Variants in TNFSF15 observed in about 807,000 individuals in gnomAD.
TNFSF15 encodes the protein tumor necrosis factor ligand superfamily member 15.
Under a neutral mutation model 26.4 loss-of-function variants are expected in TNFSF15, and 15 were observed. The ratio of observed to expected loss-of-function variants is 0.57; its 90% CI spans 0.38 to 0.87. The LOEUF (loss-of-function observed/expected upper bound fraction) is 0.87, where lower values mean the gene tolerates loss of function less well. TNFSF15 is among the 40% of genes least tolerant of loss of function. The pLI, the probability that TNFSF15 is intolerant of heterozygous loss-of-function variation, is 0.00. For synonymous variants in TNFSF15, 116 were observed against 115.0 expected (o/e 1.01, Z -0.06); for missense variants, 290 against 306.1 (o/e 0.95, Z 0.39).
chr9:114,805,623 A>G (rs547246613), intron 1 of TNFSF15, among the ~76,000 whole-genome samples, 180 bp downstream of exon 1: 2 of 152,344 alleles, frequency 1.3e-5, no homozygotes, highest in South Asian at 4.1e-4. Context: ...CCCTAGAAAT[A>G]TTGAGAATAA....
intron 1 of TNFSF15, among the ~76,000 whole-genome samples, chr9:114,803,792 C>T (rs1449327035): frequency 6.6e-6 from 1 of 152,242 alleles, no homozygotes; most frequent in Non-Finnish European, 1.5e-5. Flanking sequence ...GGCAGGCCCT[C>T]TCCTAGGCTT....
At chr9:114,805,389 C>G (rs958308198) in intron 1 of TNFSF15, among the ~76,000 whole-genome samples, 2 of 152,172 alleles carry the variant, frequency 1.3e-5, no homozygotes, top group African/African-American at 4.8e-5. Context: ...ATATCCCAAA[C>G]TGTTAACAGT....
chr9:114,798,682 C>T (rs1829703267), intron 1 of TNFSF15, among the ~76,000 whole-genome samples: 1 of 152,110 alleles, frequency 6.6e-6, no homozygotes, highest in South Asian at 2.1e-4. Context: ...GGGATCTGAA[C>T]CTTTAGACCA....
chr9:114,796,575 G>A (rs184732919), intron 1 of TNFSF15, among the ~76,000 whole-genome samples: 5 of 152,290 alleles, frequency 3.3e-5, no homozygotes, highest in Admixed American at 2.6e-4. Flanking sequence ...CCAGAAATGG[G>A]AGAATCAGAA....
chr9:114,805,367 G>A (rs538265903), intron 1 of TNFSF15, among the ~76,000 whole-genome samples: 69 of 152,210 alleles, frequency 4.5e-4, no homozygotes, highest in African/African-American at 1.4e-3. Context: ...ATATAATTCT[G>A]TACAGAATTA....
chr9:114,797,833 AT>A (rs1430605465), intron 1 of TNFSF15, among the ~76,000 whole-genome samples: 5 of 152,162 alleles, frequency 3.3e-5, no homozygotes, highest in Non-Finnish European at 7.4e-5. Context: ...ATCGAATTTT[AT>A]TATTTATTTG....
chr9:114,803,924 C>T (rs975447050), intron 1 of TNFSF15, among the ~76,000 whole-genome samples: 17 of 152,288 alleles, frequency 1.1e-4, no homozygotes, highest in African/African-American at 3.6e-4. Flanking sequence ...CCCTTCAATC[C>T]GTCTGCATCT....
intron 1 of TNFSF15, 50 bp from the exon 2 acceptor site, chr9:114,793,618 C>A: frequency 6.4e-7 from 1 of 1,559,142 alleles, no homozygotes; most frequent in Non-Finnish European, 8.8e-7. Context: ...CTTTTGATCC[C>A]AACACTTACA....
intron 1 of TNFSF15, among the ~76,000 whole-genome samples, chr9:114,796,562 G>C (rs1259965309): frequency 6.6e-6 from 1 of 152,240 alleles, no homozygotes; most frequent in Admixed American, 6.5e-5. Flanking sequence ...ACAGAGACCT[G>C]GCCCAGAAAT....
chr9:114,793,145 A>G (rs1315113544), intron 2 of TNFSF15, among the ~76,000 whole-genome samples: 15 of 152,240 alleles, frequency 9.9e-5, no homozygotes, highest in Admixed American at 9.8e-4. Context: ...TTGATGTGCT[A>G]GACATTGTTC....
chr9:114,797,181 C>A (rs1829682589), intron 1 of TNFSF15, among the ~76,000 whole-genome samples: 1 of 152,204 alleles, frequency 6.6e-6, no homozygotes, highest in Non-Finnish European at 1.5e-5. Context: ...TAAGAGTTTA[C>A]AACATTCCTC....
intron 1 of TNFSF15, among the ~76,000 whole-genome samples, chr9:114,804,378 T>C (rs1018330194): frequency 1.1e-4 from 16 of 152,112 alleles, no homozygotes; most frequent in Non-Finnish European, 1.5e-4. Flanking sequence ...AACATTCTGC[T>C]TGCTGGTCTT....
chr9:114,799,993 C>G (rs2131306446), intron 1 of TNFSF15, among the ~76,000 whole-genome samples: 1 of 152,274 alleles, frequency 6.6e-6, no homozygotes, highest in African/African-American at 2.4e-5. Context: ...GATAAGGGGT[C>G]TGCAATTTAC....
At chr9:114,797,818 C>G (rs1195082485) in intron 1 of TNFSF15, among the ~76,000 whole-genome samples, 7 of 152,174 alleles carry the variant, frequency 4.6e-5, no homozygotes, top group Admixed American at 3.9e-4. Flanking sequence ...TGGCTGAAAT[C>G]CAGGATCGAA....
At chr9:114,796,825 GCA>G (rs1352633199) in intron 1 of TNFSF15, among the ~76,000 whole-genome samples, 1 of 152,186 alleles carries the variant, frequency 6.6e-6, no homozygotes, top group East Asian at 1.9e-4. Context: ...TGTGCATTTG[GCA>G]CAGAGTCATG....
chr9:114,791,043 T>G, intron 3 of TNFSF15, 137 bp from the exon 4 acceptor site: 1 of 766,748 alleles, frequency 1.3e-6, no homozygotes, highest in Non-Finnish European at 2.1e-6. Flanking sequence ...TGGGGAGGAA[T>G]GAATGAAGAA....
chr9:114,803,938 CA>C (rs1318685947), intron 1 of TNFSF15, among the ~76,000 whole-genome samples: 3 of 152,206 alleles, frequency 2.0e-5, no homozygotes, highest in African/African-American at 7.2e-5. Context: ...TGCATCTCAG[CA>C]AAGAGGCCCT....
chr9:114,804,581 G>T (rs1259995931), intron 1 of TNFSF15, among the ~76,000 whole-genome samples: 2 of 152,188 alleles, frequency 1.3e-5, no homozygotes, highest in Non-Finnish European at 2.9e-5. Context: ...AGCACCAACT[G>T]GGCGCTGCAG....
chr9:114,804,757 A>G (rs571534125), intron 1 of TNFSF15, among the ~76,000 whole-genome samples: 1 of 152,328 alleles, frequency 6.6e-6, no homozygotes, highest in Admixed American at 6.5e-5. Flanking sequence ...CCTGAATCAC[A>G]GTCTGTTTGT....
Sources: gnomAD v4.1 joint callset for allele counts (sites outside exome capture counted in the v4.1 genomes callset) on GRCh38, gnomAD v4.1.1 for gene constraint, MANE v1.5 for transcripts, NCBI Gene and HGNC (gene_info 2026-07-23, HGNC 2026-07-21) for gene names.